Variants in FBXL17 observed in about 807,000 individuals in gnomAD.
FBXL17 encodes F-box and leucine rich repeat protein 17.
Under a neutral mutation model 66.2 loss-of-function variants are expected in FBXL17, and 22 were observed. That is an observed-to-expected ratio of 0.33 (90% CI 0.24 to 0.47). The LOEUF is 0.47. Among genes scored for constraint, FBXL17 ranks in the 20% least tolerant of loss-of-function variants. The pLI, the probability that FBXL17 is intolerant of heterozygous loss-of-function variation, is 1.00. For synonymous variants in FBXL17, 474 were observed against 400.5 expected (o/e 1.18, Z -2.19); for missense variants, 878 against 948.2 (o/e 0.93, Z 0.97).
intron 7 of FBXL17, among the ~76,000 whole-genome samples, chr5:107,990,382 T>A (rs1358476833): frequency 6.6e-6 from 1 of 152,196 alleles, no homozygotes; most frequent in Non-Finnish European, 1.5e-5. Flanking sequence ...AGCTTTGGGG[T>A]AAAAGATGTT....
chr5:107,984,753 A>G (rs1752955491), intron 7 of FBXL17, among the ~76,000 whole-genome samples: 2 of 152,376 alleles, frequency 1.3e-5, no homozygotes, highest in South Asian at 4.1e-4. Context: ...AAGATAGATC[A>G]GATATACTTA....
intron 4 of FBXL17, among the ~76,000 whole-genome samples, chr5:108,264,875 C>G (rs1427074817): frequency 6.6e-6 from 1 of 151,100 alleles, no homozygotes; most frequent in Non-Finnish European, 1.5e-5. Flanking sequence ...CTAATGCTAT[C>G]TAGTATCAGT....
chr5:108,108,780 G>GTTTTTTTT (rs201883285), intron 6 of FBXL17, among the ~76,000 whole-genome samples: 4 of 122,152 alleles, frequency 3.3e-5, no homozygotes, highest in African/African-American at 3.0e-5. Context: ...CTCACACTTT[G>GTTTTTTTT]TTTTTGTTTT....
At chr5:108,054,089 C>G (rs1022534917) in intron 6 of FBXL17, among the ~76,000 whole-genome samples, 1 of 152,066 alleles carries the variant, frequency 6.6e-6, no homozygotes, top group Non-Finnish European at 1.5e-5. Context: ...CGGAGAAGAA[C>G]AGCACACACC....
intron 7 of FBXL17, among the ~76,000 whole-genome samples, chr5:107,983,756 A>AT (rs1233271998): frequency 1.3e-5 from 2 of 152,158 alleles, no homozygotes; most frequent in Non-Finnish European, 2.9e-5. Context: ...TCTTTGCTGT[A>AT]TTCCCCAAAT....
At chr5:108,176,143 G>A (rs891397031) in intron 6 of FBXL17, among the ~76,000 whole-genome samples, 2 of 152,056 alleles carry the variant, frequency 1.3e-5, no homozygotes, top group African/African-American at 4.8e-5. Context: ...CTTCATTGTT[G>A]GCAATTTTAA....
intron 4 of FBXL17, among the ~76,000 whole-genome samples, chr5:108,336,241 C>G (rs1760377581): frequency 6.6e-6 from 1 of 152,168 alleles, no homozygotes; most frequent in African/African-American, 2.4e-5. Context: ...GTATTACTCT[C>G]AAAGCATGCA....
chr5:108,204,792 AT>A (rs1485652847), intron 5 of FBXL17, among the ~76,000 whole-genome samples: 1 of 150,630 alleles, frequency 6.6e-6, no homozygotes, highest in African/African-American at 2.4e-5. Flanking sequence ...AACATTTTTA[AT>A]TTTTTTACCC....
intron 8 of FBXL17, among the ~76,000 whole-genome samples, chr5:107,863,635 C>A (rs868640611): frequency 3.3e-5 from 5 of 152,254 alleles, no homozygotes; most frequent in African/African-American, 1.2e-4. Flanking sequence ...ATTTCTCTTG[C>A]TCCAATCTAA....
chr5:108,090,666 T>C (rs1261191775), intron 6 of FBXL17, among the ~76,000 whole-genome samples: 1 of 152,220 alleles, frequency 6.6e-6, no homozygotes, highest in East Asian at 1.9e-4. Flanking sequence ...AATTTTCATA[T>C]CATGATAAGT....
At chr5:107,934,867 G>C (rs1304972196) in intron 7 of FBXL17, among the ~76,000 whole-genome samples, 1 of 152,070 alleles carries the variant, frequency 6.6e-6, no homozygotes, top group Non-Finnish European at 1.5e-5. Context: ...ATGTACTTTG[G>C]AAAGAATATA....
chr5:108,198,512 C>G (rs1753768832), intron 5 of FBXL17, among the ~76,000 whole-genome samples: 1 of 152,174 alleles, frequency 6.6e-6, no homozygotes, highest in Non-Finnish European at 1.5e-5. Flanking sequence ...TACCAAAGTG[C>G]TCCCAGTCAC....
intron 6 of FBXL17, among the ~76,000 whole-genome samples, chr5:108,165,848 C>T (rs1197741620): frequency 1.3e-5 from 2 of 152,164 alleles, no homozygotes; most frequent in Non-Finnish European, 2.9e-5. Flanking sequence ...TATTAATGTA[C>T]ACTTTAGTCA....
chr5:107,927,727 GA>G (rs770883232), intron 7 of FBXL17, among the ~76,000 whole-genome samples: 111 of 151,798 alleles, frequency 7.3e-4, no homozygotes, highest in African/African-American at 2.1e-3. Context: ...TTACAAAGGG[GA>G]AAAAAAATCT....
In FBXL17 at chr5:107,861,676, C is replaced by T; in HGVS notation, c.*44G>A. 1 of 1,495,938 alleles carries T rather than the reference C, an allele frequency of 6.7e-7. No homozygotes were observed. The allele number at this position is 1,495,938 out of a possible 1,614,324, so 92.7% of individuals were successfully genotyped here. On this transcript the variant is annotated 3_prime_UTR_variant, in exon 9 of 9. Transcript: ENST00000542267. ...AGCTCCCCAAATGTACAATTCTCCT[C>T]TGCTCTGCTGAATGATCCCAGTGGA...
At chr5:108,213,099 G>A (rs1249886506) in intron 5 of FBXL17, among the ~76,000 whole-genome samples, 1 of 152,244 alleles carries the variant, frequency 6.6e-6, no homozygotes, top group East Asian at 1.9e-4. Flanking sequence ...TTTACACTGT[G>A]AGCTTAAAAC....
At chr5:107,864,720 C>A (rs1426268027) in intron 8 of FBXL17, among the ~76,000 whole-genome samples, 1 of 152,176 alleles carries the variant, frequency 6.6e-6, no homozygotes, top group Non-Finnish European at 1.5e-5. Context: ...TGCTCCCCTT[C>A]GCCTTCCACC....
At chr5:108,209,495 G>GT (rs970945361) in intron 5 of FBXL17, among the ~76,000 whole-genome samples, 1 of 152,026 alleles carries the variant, frequency 6.6e-6, no homozygotes, top group Non-Finnish European at 1.5e-5. Flanking sequence ...TCGATACCTA[G>GT]TTTTTTGAAA....
chr5:107,961,990 A>G (rs1751928531), intron 7 of FBXL17, among the ~76,000 whole-genome samples: 1 of 152,212 alleles, frequency 6.6e-6, no homozygotes, highest in African/African-American at 2.4e-5. Flanking sequence ...AGACAGTGAA[A>G]TGCCTTTGGA....
Sources: allele counts gnomAD v4.1 joint callset (sites outside exome capture counted in the v4.1 genomes callset), GRCh38; gene constraint gnomAD v4.1.1; transcripts MANE v1.5; gene names NCBI Gene and HGNC (gene_info 2026-07-23, HGNC 2026-07-21).